LARP1B: variants seen among roughly 807,000 people sequenced by gnomAD.
LARP1B encodes la-related protein 1B.
Under a neutral mutation model 114.2 loss-of-function variants are expected in LARP1B, and 76 were observed. That is an observed-to-expected ratio of 0.67 (90% CI 0.55 to 0.81). The LOEUF (loss-of-function observed/expected upper bound fraction) is 0.81, where lower values mean the gene tolerates loss of function less well. Among genes scored for constraint, LARP1B ranks in the 30% least tolerant of loss-of-function variants. The pLI is 0.00. For missense variants in LARP1B, 1,014 were observed against 1,075.8 expected (o/e 0.94, Z 0.80); for synonymous variants, 345 against 348.0 (o/e 0.99, Z 0.10).
At chr4:128,087,130 A>C (rs1215590785) in intron 5 of LARP1B, among the ~76,000 whole-genome samples, 1 of 152,050 alleles carries the variant, frequency 6.6e-6, no homozygotes, top group Non-Finnish European at 1.5e-5. Context: ...ATTTTGGGCC[A>C]GGCTGGTCAC....
At chr4:128,085,339 C>A (rs1356287215) in intron 5 of LARP1B, among the ~76,000 whole-genome samples, 4 of 137,112 alleles carry the variant, frequency 2.9e-5, no homozygotes, top group African/African-American at 1.1e-4. Context: ...ACTTTTCAAA[C>A]AAGCCTTAGC....
intron 11 of LARP1B, chr4:128,156,004 C>T: frequency 1.3e-6 from 2 of 1,557,226 alleles, no homozygotes; most frequent in African/African-American, 1.4e-5. Context: ...CTCCCTTTCC[C>T]CAGGGCCTGT....
chr4:128,131,099 G>A (rs983619973), intron 11 of LARP1B, among the ~76,000 whole-genome samples: 2 of 152,128 alleles, frequency 1.3e-5, no homozygotes, highest in African/African-American at 2.4e-5. Context: ...TTCTGATGAC[G>A]ATACATGTCA....
intron 15 of LARP1B, among the ~76,000 whole-genome samples, chr4:128,190,114 G>A (rs1751739400): frequency 6.6e-6 from 1 of 152,344 alleles, no homozygotes; most frequent in South Asian, 2.1e-4. Context: ...GATGGGTCTA[G>A]TAGTGATGAA....
intron 11 of LARP1B, chr4:128,122,692 A>C (rs1788409112): frequency 7.6e-7 from 1 of 1,313,810 alleles, no homozygotes; most frequent in Non-Finnish European, 9.7e-7. Flanking sequence ...TGGACAAACT[A>C]TAAATGACTA....
At chr4:128,069,346 C>T in intron 1 of LARP1B, 3 of 776,590 alleles carry the variant, frequency 3.9e-6, no homozygotes, top group Non-Finnish European at 7.0e-6. Context: ...AGACTTTGAG[C>T]AAACTTTAGC....
intron 1 of LARP1B, among the ~76,000 whole-genome samples, chr4:128,071,324 C>T (rs966265585): frequency 1.3e-5 from 2 of 151,980 alleles, no homozygotes; most frequent in African/African-American, 2.4e-5. Flanking sequence ...GGATTACAGG[C>T]GTGAGCCACC....
chr4:128,202,088 T>C (rs1382084737), intron 17 of LARP1B, among the ~76,000 whole-genome samples: 1 of 152,204 alleles, frequency 6.6e-6, no homozygotes, highest in Non-Finnish European at 1.5e-5. Flanking sequence ...GAACAGCAGA[T>C]CCATGGCAGG....
In LARP1B at chr4:128,219,632, CTG is replaced by C. The variant is rs1437378332; in HGVS notation, n.849-722_849-721del. Reference sequence around the variant, plus strand: ...GACACAGGAAGGGGAATATCACACTCTGGGGACTGTGGTGGGGTGGGGGGAGG... The same window carrying C: ...GACACAGGAAGGGGAATATCACACTCGGGACTGTGGTGGGGTGGGGGGAGG... On this transcript the variant is annotated intron_variant and non_coding_transcript_variant, in intron 6 of 7. Coordinates refer to the LARP1B transcript ENST00000503725. Among the ~76,000 whole-genome samples, 5 of 112,232 alleles carry C rather than the reference CTG, an allele frequency of 4.5e-5. No homozygotes were observed. The Admixed American group carries it at 5.0e-4, about 11-fold the overall frequency. 73.6% of individuals were successfully genotyped at this position (112,232 alleles called of 152,430 possible).
intron 2 of LARP1B, 29 bp downstream of exon 2, chr4:128,074,547 CTG>C (rs1767054708): frequency 2.6e-6 from 2 of 783,702 alleles, no homozygotes; most frequent in Non-Finnish European, 3.1e-6. Flanking sequence ...TAGTTCTTAA[CTG>C]TATTGATTTT....
At chr4:128,200,692 G>C in intron 17 of LARP1B, 27 bp downstream of exon 17, 1 of 1,480,274 alleles carries the variant, frequency 6.8e-7, no homozygotes, top group Non-Finnish European at 9.1e-7. Flanking sequence ...TACACTTCAA[G>C]GGAGTTTTAT....
chr4:128,198,929 A>C (rs2150876163), intron 15 of LARP1B, among the ~76,000 whole-genome samples: 2 of 152,346 alleles, frequency 1.3e-5, no homozygotes, highest in Middle Eastern at 6.8e-3. Flanking sequence ...AGATAGATCA[A>C]AAGTGGAATT....
chr4:128,166,798 A>G (rs1216434593), intron 12 of LARP1B, among the ~76,000 whole-genome samples: 2 of 150,416 alleles, frequency 1.3e-5, no homozygotes, highest in Non-Finnish European at 3.0e-5. Flanking sequence ...TAAAGATTCT[A>G]TATATAAGTG....
intron 7 of LARP1B, chr4:128,092,984 T>A (rs927750821): frequency 2.0e-6 from 2 of 985,320 alleles, no homozygotes; most frequent in African/African-American, 1.7e-5. Context: ...GCTACTTCAG[T>A]GTTGACAAAA....
intron 17 of LARP1B, among the ~76,000 whole-genome samples, chr4:128,205,293 C>G (rs980793786): frequency 1.3e-5 from 2 of 152,222 alleles, no homozygotes; most frequent in Non-Finnish European, 2.9e-5. Flanking sequence ...AGGTTGTAAC[C>G]TTTCTGCTGA....
intron 1 of LARP1B, chr4:128,069,216 A>C: frequency 1.9e-6 from 2 of 1,075,326 alleles, no homozygotes; most frequent in Admixed American, 3.4e-5. Context: ...AGCTTTATGG[A>C]ATGGATCAAT....
intron 1 of LARP1B, chr4:128,069,452 A>G (rs1764339534): frequency 1.3e-6 from 1 of 758,822 alleles, no homozygotes; most frequent in Non-Finnish European, 2.4e-6. Context: ...TATATATAAC[A>G]TAAACTTGGT....
chr4:128,193,909 C>T (rs985886702), intron 15 of LARP1B, among the ~76,000 whole-genome samples: 8 of 152,192 alleles, frequency 5.3e-5, no homozygotes, highest in South Asian at 4.1e-4. Flanking sequence ...TGAGCCACTG[C>T]GCTTGGCCTC....
chr4:128,115,727 C>G (rs952258246), intron 10 of LARP1B, among the ~76,000 whole-genome samples: 2 of 152,224 alleles, frequency 1.3e-5, no homozygotes, highest in Non-Finnish European at 2.9e-5. Flanking sequence ...GCCATGTTGG[C>G]TCACTGCAGC....
Sources: gnomAD v4.1 joint callset for allele counts (sites outside exome capture counted in the v4.1 genomes callset) on GRCh38, gnomAD v4.1.1 for gene constraint, MANE v1.5 for transcripts, NCBI Gene and HGNC (gene_info 2026-07-23, HGNC 2026-07-21) for gene names.